NTM: variants seen among roughly 807,000 people sequenced by gnomAD.
NTM encodes the protein IgLON family member 2.
Under a neutral mutation model 42.1 loss-of-function variants are expected in NTM, and 13 were observed. The ratio of observed to expected loss-of-function variants is 0.31; its 90% CI spans 0.20 to 0.49. NTM has a LOEUF of 0.49. NTM is among the 20% of genes least tolerant of loss of function. The pLI, the probability that NTM is intolerant of heterozygous loss-of-function variation, is 0.99. For synonymous variants in NTM, 187 were observed against 179.2 expected (o/e 1.04, Z -0.35); for missense variants, 373 against 452.8 (o/e 0.82, Z 1.60).
At chr11:131,967,099 C>T (rs1046715642) in intron 2 of NTM, among the ~76,000 whole-genome samples, 13 of 152,114 alleles carry the variant, frequency 8.5e-5, no homozygotes, top group African/African-American at 3.1e-4. Context: ...ATGTTGTCCA[C>T]ATTAAGATGA....
chr11:131,604,776 C>T (rs961822740), intron 1 of NTM, among the ~76,000 whole-genome samples: 2 of 150,882 alleles, frequency 1.3e-5, no homozygotes, highest in African/African-American at 2.4e-5. Context: ...GTATGTGGAT[C>T]TCCAGTTGTC....
At chr11:132,052,436 A>T (rs921319882) in intron 2 of NTM, among the ~76,000 whole-genome samples, 1 of 152,190 alleles carries the variant, frequency 6.6e-6, no homozygotes, top group Non-Finnish European at 1.5e-5. Flanking sequence ...ATGGCACTTT[A>T]TCAGTTGAAA....
chr11:132,013,167 G>A (rs1356212891), intron 2 of NTM, among the ~76,000 whole-genome samples: 1 of 152,146 alleles, frequency 6.6e-6, no homozygotes, highest in South Asian at 2.1e-4. Context: ...GAACAAGGAA[G>A]GGTACCATGA....
intron 7 of NTM, among the ~76,000 whole-genome samples, chr11:132,323,500 C>T (rs952851144): frequency 6.6e-6 from 1 of 151,472 alleles, no homozygotes; most frequent in African/African-American, 2.4e-5. Context: ...TCTGAATAGA[C>T]CAATAACAGG....
At chr11:131,963,352 A>G (rs887968571) in intron 2 of NTM, among the ~76,000 whole-genome samples, 3 of 152,208 alleles carry the variant, frequency 2.0e-5, no homozygotes, top group South Asian at 2.1e-4. Context: ...ATGGACTGCA[A>G]GTAAACCTGC....
At chr11:132,273,309 GTTTTTTTTTTT>G (rs57877862) in intron 4 of NTM, among the ~76,000 whole-genome samples, 8 of 55,658 alleles carry the variant, frequency 1.4e-4, no homozygotes, top group South Asian at 1.0e-3. Flanking sequence ...GTTGACTAGT[GTTTTTTTTTTT>G]TTTTTTTTTT....
intron 2 of NTM, among the ~76,000 whole-genome samples, chr11:132,026,015 C>T (rs192725143): frequency 3.9e-5 from 6 of 152,218 alleles, no homozygotes; most frequent in South Asian, 2.1e-4. Context: ...TTCTCTGTGT[C>T]GTGTGTCTGT....
At chr11:132,223,509 G>A (rs927688638) in intron 4 of NTM, among the ~76,000 whole-genome samples, 12 of 152,074 alleles carry the variant, frequency 7.9e-5, no homozygotes, top group Non-Finnish European at 8.8e-5. Flanking sequence ...CAGCCGGCAC[G>A]CTCACAGAAC....
intron 1 of NTM, among the ~76,000 whole-genome samples, chr11:131,717,150 A>T (rs2077785562): frequency 1.3e-5 from 2 of 152,150 alleles, no homozygotes; most frequent in African/African-American, 4.8e-5. Context: ...CTTTAAACCA[A>T]GTCTTCAAAT....
chr11:131,386,108 T>G (rs1943286008), intron 1 of NTM, among the ~76,000 whole-genome samples: 1 of 152,144 alleles, frequency 6.6e-6, no homozygotes, highest in African/African-American at 2.4e-5. Flanking sequence ...CACAATGAGG[T>G]CTATGCATAA....
At chr11:131,686,241 G>A (rs2073856754) in intron 1 of NTM, among the ~76,000 whole-genome samples, 1 of 152,198 alleles carries the variant, frequency 6.6e-6, no homozygotes, top group Non-Finnish European at 1.5e-5. Context: ...TTGCTTAGTT[G>A]AAAATTCATG....
intron 1 of NTM, among the ~76,000 whole-genome samples, chr11:131,413,785 C>G (rs185452187): frequency 2.0e-5 from 3 of 151,984 alleles, no homozygotes; most frequent in Non-Finnish European, 4.4e-5. Context: ...AGTCCAAACC[C>G]GTGGGGACAA....
chr11:131,464,946 AT>A (rs1320349420), intron 1 of NTM, among the ~76,000 whole-genome samples: 18 of 152,146 alleles, frequency 1.2e-4, no homozygotes, highest in African/African-American at 4.3e-4. Flanking sequence ...TAGAACTGTG[AT>A]TTAGGAGTGG....
At chr11:131,903,707 T>G (rs2053474968) in intron 1 of NTM, among the ~76,000 whole-genome samples, 1 of 152,188 alleles carries the variant, frequency 6.6e-6, no homozygotes, top group African/African-American at 2.4e-5. Flanking sequence ...GGAAATGTCC[T>G]GGGAAGCCAT....
chr11:132,134,742 T>G (rs1423911551), intron 2 of NTM, among the ~76,000 whole-genome samples: 1 of 131,510 alleles, frequency 7.6e-6, no homozygotes, highest in Non-Finnish European at 1.6e-5. Flanking sequence ...TATATATATA[T>G]ATATATATAT....
At chr11:132,041,274 T>TA (rs2077166243) in intron 2 of NTM, among the ~76,000 whole-genome samples, 1 of 151,672 alleles carries the variant, frequency 6.6e-6, no homozygotes, top group Non-Finnish European at 1.5e-5. Context: ...AGAAGTGGTT[T>TA]GTTTTGGGGA....
intron 1 of NTM, among the ~76,000 whole-genome samples, chr11:131,649,203 G>A (rs2066154346): frequency 6.6e-6 from 1 of 152,222 alleles, no homozygotes; most frequent in Admixed American, 6.5e-5. Flanking sequence ...AATAATGATA[G>A]TAATTGAAAC....
chr11:131,966,626 A>T (rs1362261984), intron 2 of NTM, among the ~76,000 whole-genome samples: 1 of 152,182 alleles, frequency 6.6e-6, no homozygotes, highest in Non-Finnish European at 1.5e-5. Context: ...TGAAGACAGA[A>T]GTGGACCTGG....
At chr11:132,178,151 C>T (rs1179230130) in intron 3 of NTM, among the ~76,000 whole-genome samples, 2 of 152,180 alleles carry the variant, frequency 1.3e-5, no homozygotes, top group African/African-American at 4.8e-5. Flanking sequence ...CAACCTGTCT[C>T]CTTACAGATA....
Sources: allele counts gnomAD v4.1 joint callset (sites outside exome capture counted in the v4.1 genomes callset), GRCh38; gene constraint gnomAD v4.1.1; transcripts MANE v1.5; gene names NCBI Gene and HGNC (gene_info 2026-07-23, HGNC 2026-07-21).